DGKI: variants seen among roughly 807,000 people sequenced by gnomAD.
DGKI encodes DAG kinase iota.
In DGKI, 55 loss-of-function variants were observed where a neutral mutation model predicts 147.5. That is an observed-to-expected ratio of 0.37 (90% CI 0.30 to 0.47). DGKI has a LOEUF of 0.47. Among genes scored for constraint, DGKI ranks in the 20% least tolerant of loss-of-function variants. DGKI has a pLI of 1.00. For missense variants in DGKI, 1,007 were observed against 1,323.8 expected, an observed-to-expected ratio of 0.76 and a Z score of 3.71; for synonymous variants, 469 against 477.1, an observed-to-expected ratio of 0.98 and a Z score of 0.22.
intron 21 of DGKI, among the ~76,000 whole-genome samples, chr7:137,510,823 A>T (rs1563060560): frequency 6.6e-6 from 1 of 152,250 alleles, no homozygotes; most frequent in African/African-American, 2.4e-5. Flanking sequence ...AGGGGCCCCA[A>T]GCCTCTTTTG....
At chr7:137,392,600 C>A (rs1811405413) in intron 32 of DGKI, among the ~76,000 whole-genome samples, 1 of 152,302 alleles carries the variant, frequency 6.6e-6, no homozygotes, top group South Asian at 2.1e-4. Context: ...AACAATGGCT[C>A]TAGAATCTTT....
At chr7:137,845,744 T>TC (rs1013411802) in intron 1 of DGKI, among the ~76,000 whole-genome samples, 3 of 152,238 alleles carry the variant, frequency 2.0e-5, no homozygotes, top group African/African-American at 7.2e-5. Context: ...CACTCATCCT[T>TC]AGGTGCAAAT....
intron 3 of DGKI, among the ~76,000 whole-genome samples, chr7:137,664,578 C>T (rs1481314391): frequency 5.9e-5 from 9 of 152,162 alleles, no homozygotes; most frequent in Middle Eastern, 3.4e-3. Context: ...ACATAGACTG[C>T]GTAGAGTTAA....
intron 6 of DGKI, among the ~76,000 whole-genome samples, chr7:137,628,369 T>C (rs1821016664): frequency 6.6e-6 from 1 of 152,190 alleles, no homozygotes; most frequent in South Asian, 2.1e-4. Context: ...TTTAGATTCT[T>C]GTCTGGCAGA....
intron 21 of DGKI, among the ~76,000 whole-genome samples, chr7:137,507,884 G>A (rs971123906): frequency 2.0e-5 from 3 of 152,144 alleles, no homozygotes; most frequent in South Asian, 2.1e-4. Context: ...ACTCTTCCAC[G>A]AGGAGCTGTG....
chr7:137,699,784 TC>T (rs1438354475), intron 1 of DGKI, among the ~76,000 whole-genome samples: 1 of 152,012 alleles, frequency 6.6e-6, no homozygotes, highest in East Asian at 1.9e-4. Flanking sequence ...CTTGGTCCCT[TC>T]CCCCTTCAAT....
At chr7:137,707,323 C>T (rs528596924) in intron 1 of DGKI, among the ~76,000 whole-genome samples, 19 of 152,190 alleles carry the variant, frequency 1.2e-4, no homozygotes, top group African/African-American at 4.3e-4. Context: ...CATCGCTGGC[C>T]TTGGCAAGCC....
At chr7:137,600,765 T>C (rs1819960853) in intron 10 of DGKI, among the ~76,000 whole-genome samples, 1 of 152,206 alleles carries the variant, frequency 6.6e-6, no homozygotes, top group African/African-American at 2.4e-5. Flanking sequence ...CCCAGTTATT[T>C]TATACATATA....
chr7:137,678,460 G>A, intron 3 of DGKI, 97 bp downstream of exon 3: 4 of 1,151,982 alleles, frequency 3.5e-6, no homozygotes, highest in Admixed American at 1.7e-5. Flanking sequence ...ACAAGGACAG[G>A]CTCGTTCAAA....
At chr7:137,549,512 T>C (rs985066142) in intron 20 of DGKI, among the ~76,000 whole-genome samples, 6 of 152,224 alleles carry the variant, frequency 3.9e-5, no homozygotes, top group African/African-American at 1.4e-4. Context: ...ACAGAGGTTT[T>C]TAAGCTAAAA....
At chr7:137,823,061 C>CAAA (rs113953441) in intron 1 of DGKI, among the ~76,000 whole-genome samples, 2,719 of 133,512 alleles carry the variant, frequency 0.02, 98 homozygotes, top group African/African-American at 0.07. Context: ...TCCCCCAACC[C>CAAA]AAAAAAAAAA....
chr7:137,828,302 A>C (rs1409265804), intron 1 of DGKI, among the ~76,000 whole-genome samples: 1 of 152,266 alleles, frequency 6.6e-6, no homozygotes, highest in African/African-American at 2.4e-5. Context: ...AAGTGCTTGA[A>C]ATAGTGTTTT....
rs139929349 is a variant in DGKI at position 137,656,499 on chromosome 7, G to A, written c.648C>T (p.Val216=). The A allele has an allele frequency of 5.6e-6, 9 of 1,614,106 alleles. No homozygotes were observed. The African/African-American group carries it at 6.7e-5, about 12-fold the overall frequency. The change falls in exon 4 of 33, where the codon GTC becomes GTT. Residue 216 remains valine, a synonymous_variant. Transcript: ENST00000614521. ...LRRKCAVCKI[V]VHTACIEQLE... is the part of the protein sequence containing the mutation. ...GCTGCTCAATGCAGGCGGTGTGGACGACGATTTTACAGACTGCACACTTCC... is the reference window on the plus strand; with the variant it reads ...GCTGCTCAATGCAGGCGGTGTGGACAACGATTTTACAGACTGCACACTTCC...
At chr7:137,638,574 A>ATGTG (rs1410380354) in intron 6 of DGKI, among the ~76,000 whole-genome samples, 6 of 27,518 alleles carry the variant, frequency 2.2e-4, no homozygotes, top group South Asian at 1.3e-3. Context: ...ACACACATAT[A>ATGTG]TGTATATATA....
intron 19 of DGKI, among the ~76,000 whole-genome samples, chr7:137,562,658 T>C (rs545171377): frequency 9.8e-5 from 15 of 152,292 alleles, no homozygotes; most frequent in Non-Finnish European, 2.1e-4. Context: ...AAAATATTAA[T>C]AGCATTGTAA....
intron 6 of DGKI, among the ~76,000 whole-genome samples, chr7:137,624,073 T>G (rs1185548670): frequency 1.3e-5 from 2 of 152,212 alleles, no homozygotes; most frequent in South Asian, 4.1e-4. Flanking sequence ...ATAAGCCCCT[T>G]GAGATGTCTC....
At chr7:137,550,022 ATATT>A (rs1817991505) in intron 20 of DGKI, among the ~76,000 whole-genome samples, 4 of 152,228 alleles carry the variant, frequency 2.6e-5, no homozygotes, top group Admixed American at 2.6e-4. Context: ...AGTCTTATAA[ATATT>A]CATTAATAAA....
At chr7:137,824,338 GA>G (rs566005299) in intron 1 of DGKI, among the ~76,000 whole-genome samples, 30 of 152,140 alleles carry the variant, frequency 2.0e-4, no homozygotes, top group Non-Finnish European at 3.8e-4. Context: ...GCAACATGGA[GA>G]AACCCCGTCT....
At chr7:137,536,593 T>C (rs1817529308) in intron 20 of DGKI, among the ~76,000 whole-genome samples, 1 of 152,194 alleles carries the variant, frequency 6.6e-6, no homozygotes. Context: ...AATTCTACCA[T>C]AACAGAACTT....
Sources: gnomAD v4.1 joint callset for allele counts (sites outside exome capture counted in the v4.1 genomes callset) on GRCh38, gnomAD v4.1.1 for gene constraint, MANE v1.5 for transcripts, NCBI Gene and HGNC (gene_info 2026-07-23, HGNC 2026-07-21) for gene names.